ABR: variants seen among roughly 807,000 people sequenced by gnomAD.
The protein encoded by ABR is ABR activator of RhoGEF and GTPase.
A neutral mutation model predicts 107.2 loss-of-function variants in ABR; 35 were observed. The ratio of observed to expected loss-of-function variants is 0.33; its 90% CI spans 0.25 to 0.43. The LOEUF (loss-of-function observed/expected upper bound fraction) is 0.43. Ranked by LOEUF, ABR falls within the 20% of genes least tolerant of loss-of-function variation. ABR has a pLI of 1.00. For synonymous variants in ABR, 498 were observed against 462.0 expected, an observed-to-expected ratio of 1.08 and a Z score of -1.00; for missense variants, 815 against 1,115.2, an observed-to-expected ratio of 0.73 and a Z score of 3.83.
At chr17:1,026,655 T>C (rs76631748) in intron 16 of ABR, among the ~76,000 whole-genome samples, 6,053 of 152,156 alleles carry the variant, frequency 0.04, 348 homozygotes, top group African/African-American at 0.13. Context: ...TGACGCTGCG[T>C]TTCTCCCCAG....
chr17:1,091,904 G>T (rs1371495958), intron 3 of ABR, 54 bp from the exon 4 acceptor site: 2 of 1,551,928 alleles, frequency 1.3e-6, no homozygotes, highest in Non-Finnish European at 1.8e-6. Flanking sequence ...AAACCAGAGT[G>T]TCGGCAGGCC....
At chr17:1,165,216 G>A (rs1421632438) in intron 1 of ABR, among the ~76,000 whole-genome samples, 1 of 152,230 alleles carries the variant, frequency 6.6e-6, no homozygotes, top group African/African-American at 2.4e-5. Context: ...CCGGGCCCTG[G>A]AGCGCCTTCC....
intron 11 of ABR, 58 bp from the exon 12 acceptor site, chr17:1,058,103 A>AG: frequency 2.5e-6 from 3 of 1,218,268 alleles, no homozygotes; most frequent in Non-Finnish European, 2.4e-6. Context: ...GCGTACTCCC[A>AG]GATCCTGGGG....
At chr17:1,165,656 C>T (rs966084033) in intron 1 of ABR, among the ~76,000 whole-genome samples, 10 of 152,166 alleles carry the variant, frequency 6.6e-5, no homozygotes, top group South Asian at 2.1e-4. Flanking sequence ...CTCAGCCTCC[C>T]GAGTAGCTGG....
chr17:1,204,340 G>A (rs973492617), intron 1 of ABR, among the ~76,000 whole-genome samples: 15 of 152,190 alleles, frequency 9.9e-5, no homozygotes, highest in African/African-American at 3.1e-4. Flanking sequence ...AGCTACTCGG[G>A]AGGCTGAGGC....
intron 16 of ABR, among the ~76,000 whole-genome samples, chr17:1,044,322 C>T (rs548150689): frequency 1.3e-3 from 203 of 152,320 alleles, no homozygotes; most frequent in African/African-American, 4.6e-3. Flanking sequence ...ATTTCCTTCT[C>T]TCCGGAAAAC....
chr17:1,112,278 C>T (rs1233940922), intron 2 of ABR, among the ~76,000 whole-genome samples: 5 of 152,232 alleles, frequency 3.3e-5, no homozygotes, highest in Non-Finnish European at 7.3e-5. Flanking sequence ...TGTGAACACA[C>T]GAGGCAGTGT....
chr17:1,066,944 C>T (rs2034802250), intron 10 of ABR, 133 bp downstream of exon 10: 5 of 863,164 alleles, frequency 5.8e-6, no homozygotes, highest in South Asian at 1.7e-5. Flanking sequence ...CTACTGTAGT[C>T]GGGGTCTTTC....
At chr17:1,074,601 A>C (rs1019606833) in intron 6 of ABR, among the ~76,000 whole-genome samples, 19 of 152,348 alleles carry the variant, frequency 1.2e-4, no homozygotes, top group Middle Eastern at 3.4e-3. Flanking sequence ...CCTCACTGTG[A>C]TCCACAGGAC....
chr17:1,111,487 G>A (rs2151395106), intron 2 of ABR, among the ~76,000 whole-genome samples: 1 of 151,090 alleles, frequency 6.6e-6, no homozygotes, highest in South Asian at 2.1e-4. Flanking sequence ...CCCTGGACCT[G>A]AGCTCCACAC....
At chr17:1,103,641 A>T (rs1273166432) in intron 2 of ABR, among the ~76,000 whole-genome samples, 1 of 152,166 alleles carries the variant, frequency 6.6e-6, no homozygotes, top group Non-Finnish European at 1.5e-5. Context: ...ACTTCCATTC[A>T]TAGTCCACTC....
chr17:1,146,489 A>G (rs1353120267), intron 1 of ABR, among the ~76,000 whole-genome samples: 1 of 152,136 alleles, frequency 6.6e-6, no homozygotes, highest in Non-Finnish European at 1.5e-5. Context: ...GACGTCTGTA[A>G]ACAGCTCAGC....
At chr17:1,133,352 T>C (rs2039928638) in intron 1 of ABR, among the ~76,000 whole-genome samples, 1 of 152,150 alleles carries the variant, frequency 6.6e-6, no homozygotes. Flanking sequence ...GATTATGATC[T>C]ATGATACTAG....
chr17:1,066,193 G>C (rs1296637205), intron 10 of ABR, among the ~76,000 whole-genome samples: 1 of 152,074 alleles, frequency 6.6e-6, no homozygotes, highest in African/African-American at 2.4e-5. Flanking sequence ...CAATATTCTT[G>C]TTCACTTCTA....
At chr17:1,220,664 T>C (rs36071725) in intron 1 of ABR, among the ~76,000 whole-genome samples, 38,204 of 152,034 alleles carry the variant, frequency 0.25, 5,514 homozygotes, top group Non-Finnish European at 0.33. Context: ...TGTTTGGAGG[T>C]GACCCACTCC....
intron 1 of ABR, among the ~76,000 whole-genome samples, chr17:1,204,275 T>C (rs1397660411): frequency 6.6e-6 from 1 of 152,146 alleles, no homozygotes; most frequent in Non-Finnish European, 1.5e-5. Context: ...TGAAACCCCG[T>C]CTCTACTAAA....
intron 1 of ABR, among the ~76,000 whole-genome samples, chr17:1,132,428 G>A (rs2039887830): frequency 6.8e-6 from 1 of 146,728 alleles, no homozygotes; most frequent in Non-Finnish European, 1.5e-5. Context: ...ACCCAGGCTG[G>A]AATGCATTGG....
intron 1 of ABR, among the ~76,000 whole-genome samples, chr17:1,218,694 A>C (rs1408148719): frequency 6.6e-6 from 1 of 152,200 alleles, no homozygotes; most frequent in African/African-American, 2.4e-5. Context: ...CATTATAGTC[A>C]GCTGTCCCCA....
chr17:1,067,062 C>G lies in ABR; in HGVS notation c.1182+15G>C, dbSNP rs767909842. 1 of 1,611,680 alleles carries G rather than the reference C, an allele frequency of 6.2e-7. No individual in the cohort carries two copies. Among genetic ancestry groups the G allele is most frequent in the Non-Finnish European group, 8.5e-7 (1 of 1,178,830 alleles). On this transcript the variant is annotated intron_variant, in intron 10 of 22. Coordinates refer to ENST00000302538, the MANE Select transcript of ABR (RefSeq NM_021962.5). ...GCTCAAAGGGCCCCAGGCTCAGATACCAAGCTCTGCTCACCTCCTTCTGGA... is the reference window on the plus strand; with the variant it reads ...GCTCAAAGGGCCCCAGGCTCAGATAGCAAGCTCTGCTCACCTCCTTCTGGA...
Sources: allele counts gnomAD v4.1 joint callset (sites outside exome capture counted in the v4.1 genomes callset), GRCh38; gene constraint gnomAD v4.1.1; transcripts MANE v1.5; gene names NCBI Gene and HGNC (gene_info 2026-07-23, HGNC 2026-07-21).